Variants in RAD54L2 observed in about 807,000 individuals in gnomAD.
RAD54L2 encodes RAD54 like 2, also known as helicase ARIP4.
A neutral mutation model predicts 138.4 loss-of-function variants in RAD54L2; 27 were observed. The observed-to-expected ratio is 0.20, with a 90% confidence interval of 0.14 to 0.27. The LOEUF (loss-of-function observed/expected upper bound fraction) is 0.27. Among genes scored for constraint, RAD54L2 ranks in the 10% least tolerant of loss-of-function variants. RAD54L2 has a pLI of 1.00. For missense variants in RAD54L2, 1,396 were observed against 1,890.2 expected (o/e 0.74, Z 4.85); for synonymous variants, 644 against 723.2 (o/e 0.89, Z 1.76).
intron 22 of RAD54L2, among the ~76,000 whole-genome samples, chr3:51,661,049 G>A (rs1461065292): frequency 6.6e-6 from 1 of 151,832 alleles, no homozygotes; most frequent in African/African-American, 2.4e-5. Flanking sequence ...CGCCTCCCGG[G>A]TTCAAACGAT....
chr3:51,595,362 G>A (rs1038306153), intron 3 of RAD54L2, among the ~76,000 whole-genome samples: 1 of 152,154 alleles, frequency 6.6e-6, no homozygotes, highest in Non-Finnish European at 1.5e-5. Flanking sequence ...CAGACTTGTT[G>A]CACTGGATTT....
At chr3:51,653,133 A>G (rs1701487576) in intron 19 of RAD54L2, among the ~76,000 whole-genome samples, 1 of 152,236 alleles carries the variant, frequency 6.6e-6, no homozygotes, top group Non-Finnish European at 1.5e-5. Context: ...ATGAACAAAC[A>G]CTTTTCAAAA....
intron 3 of RAD54L2, among the ~76,000 whole-genome samples, chr3:51,613,032 C>T (rs1012935892): frequency 2.4e-4 from 37 of 152,136 alleles, no homozygotes; most frequent in African/African-American, 7.5e-4. Context: ...CTCTGCCTCC[C>T]GGGTTCATGC....
chr3:51,563,172 T>C (rs13433729), intron 2 of RAD54L2, among the ~76,000 whole-genome samples: 6,723 of 152,132 alleles, frequency 0.044, 483 homozygotes, highest in African/African-American at 0.15. Flanking sequence ...TCTCTAGAAT[T>C]AGACATTCCA....
chr3:51,586,817 C>T (rs1461774440), intron 2 of RAD54L2, among the ~76,000 whole-genome samples: 1 of 152,064 alleles, frequency 6.6e-6, no homozygotes, highest in East Asian at 1.9e-4. Context: ...GATCTGCTCA[C>T]TTCAGCCTCC....
At chr3:51,572,452 T>TA (rs529261675) in intron 2 of RAD54L2, among the ~76,000 whole-genome samples, 3,545 of 109,480 alleles carry the variant, frequency 0.032, 173 homozygotes, top group African/African-American at 0.11. Flanking sequence ...GACTCCGTCT[T>TA]AAAAAAAAAA....
intron 3 of RAD54L2, among the ~76,000 whole-genome samples, chr3:51,607,690 A>AG (rs1365242436): frequency 3.4e-5 from 5 of 148,902 alleles, no homozygotes; most frequent in Non-Finnish European, 7.4e-5. Context: ...GGCCGGGCAG[A>AG]GGGGCCCCCC....
chr3:51,627,767 CT>C lies in RAD54L2; in HGVS notation c.341+14del. ...GAAGAAACATACGGTGAGCTGTGCT[CT>C]GTGTAAGAGGAGAGGGAAAGGAATA... On this transcript the variant is annotated intron_variant, in intron 4 of 22. Coordinates refer to ENST00000684192, the MANE Select transcript of RAD54L2 (RefSeq NM_015106.4). The C allele has an allele frequency of 6.2e-7, 1 of 1,613,146 alleles. No homozygotes were observed. The highest frequency in any genetic ancestry group is 8.5e-7 in the Non-Finnish European group (1 of 1,179,236).
intron 2 of RAD54L2, among the ~76,000 whole-genome samples, chr3:51,582,392 C>G (rs77113728): frequency 7.6e-6 from 1 of 131,854 alleles, no homozygotes; most frequent in Non-Finnish European, 1.7e-5. Context: ...TTTTCCTCTT[C>G]TTATCACCTT....
chr3:51,661,207 T>C (rs1414729802), intron 22 of RAD54L2, among the ~76,000 whole-genome samples: 1 of 151,360 alleles, frequency 6.6e-6, no homozygotes, highest in Non-Finnish European at 1.5e-5. Context: ...AGTGATCCAC[T>C]CACCTCGGTC....
intron 2 of RAD54L2, among the ~76,000 whole-genome samples, chr3:51,570,394 G>A (rs1007429702): frequency 6.6e-6 from 1 of 151,088 alleles, no homozygotes; most frequent in Non-Finnish European, 1.5e-5. Flanking sequence ...CACCTGCCTC[G>A]GCCTCCCAAA....
At chr3:51,648,467 G>A (rs1224698431) in intron 19 of RAD54L2, among the ~76,000 whole-genome samples, 1 of 152,210 alleles carries the variant, frequency 6.6e-6, no homozygotes, top group Non-Finnish European at 1.5e-5. Flanking sequence ...CACGAAGTTT[G>A]AGCTCTGAGA....
chr3:51,658,023 C>T (rs901674172), intron 21 of RAD54L2, among the ~76,000 whole-genome samples: 6 of 141,194 alleles, frequency 4.2e-5, no homozygotes, highest in African/African-American at 1.6e-4. Flanking sequence ...CTCCCAGGTT[C>T]AAGCAATTCT....
At chr3:51,571,065 C>T (rs1699327822) in intron 2 of RAD54L2, among the ~76,000 whole-genome samples, 1 of 152,158 alleles carries the variant, frequency 6.6e-6, no homozygotes, top group South Asian at 2.1e-4. Flanking sequence ...AGGTGATACA[C>T]CCGCCTCAGC....
At chr3:51,582,826 C>A (rs965430530) in intron 2 of RAD54L2, among the ~76,000 whole-genome samples, 1 of 150,612 alleles carries the variant, frequency 6.6e-6, no homozygotes, top group Non-Finnish European at 1.5e-5. Flanking sequence ...ACTGCAGTGG[C>A]GCAATCTCGG....
chr3:51,645,143 A>T lies in RAD54L2; in HGVS notation c.2570A>T (p.Lys857Met), dbSNP rs1438432316. The change falls in exon 17 of 23, where the codon AAG becomes ATG. Residue 857 changes from lysine (K) to methionine (M), a missense_variant. Coordinates refer to ENST00000684192, the MANE Select transcript of RAD54L2 (RefSeq NM_015106.4). This position sits in a 1 kb window ranked among gnomAD's most constrained non-coding sequence, Gnocchi z 6.1. ...VCRVYRYGQK[K>M]PCYIYRLVAD... is the part of the protein sequence containing the mutation. ...CGGGTATACCGTTATGGCCAGAAAAAGCCCTGTTACATCTATCGCCTTGTG... is the reference window on the plus strand; with the variant it reads ...CGGGTATACCGTTATGGCCAGAAAATGCCCTGTTACATCTATCGCCTTGTG... 1.2e-6 allele frequency: 2 copies of T among 1,613,932 alleles called. No homozygotes were observed. Among genetic ancestry groups the T allele is most frequent in the East Asian group, 4.5e-5 (2 of 44,874 alleles).
intron 2 of RAD54L2, among the ~76,000 whole-genome samples, chr3:51,580,331 G>A (rs770205755): frequency 4.6e-5 from 7 of 152,174 alleles, no homozygotes; most frequent in Non-Finnish European, 1.0e-4. Context: ...GGAGCACAGA[G>A]CTTCTGTGCC....
In RAD54L2 at chr3:51,662,959, G is replaced by A; in HGVS notation, c.3943G>A (p.Glu1315Lys). ...CACCCCCTTCACCTCCCAGGCTGGGGAGAACTCCCTGTTTATGGGCAGTAC... is the reference window on the plus strand; with the variant it reads ...CACCCCCTTCACCTCCCAGGCTGGGAAGAACTCCCTGTTTATGGGCAGTAC... ...LTTPFTSQAG[E>K]NSLFMGSTPS... The change falls in exon 23 of 23, where the codon GAG (glutamate) becomes AAG (lysine). Residue 1315 changes from glutamate to lysine, a missense_variant. Glu to Lys is a moderately conservative substitution (Grantham distance 56). Coordinates refer to ENST00000684192, the MANE Select transcript of RAD54L2 (RefSeq NM_015106.4). This position sits in a 1 kb window ranked among gnomAD's most constrained non-coding sequence, Gnocchi z 4.6. The A allele has an allele frequency of 1.2e-6, 2 of 1,613,920 alleles. No homozygotes were observed. Among genetic ancestry groups the A allele is most frequent in the East Asian group, 2.2e-5 (1 of 44,878 alleles).
chr3:51,640,045 A>C (rs551304179), intron 14 of RAD54L2, 46 bp downstream of exon 14: 1 of 1,447,256 alleles, frequency 6.9e-7, no homozygotes, highest in South Asian at 1.2e-5. Flanking sequence ...TATGGTAAAG[A>C]ATGACAAAAC....
Sources: gnomAD v4.1 joint callset for allele counts (sites outside exome capture counted in the v4.1 genomes callset) on GRCh38, gnomAD v4.1.1 for gene constraint, Gnocchi (gnomAD v3.1) non-coding constraint, MANE v1.5 for transcripts, NCBI Gene and HGNC (gene_info 2026-07-23, HGNC 2026-07-21) for gene names.